DNAJC2: variants seen among roughly 807,000 people sequenced by gnomAD.
The protein encoded by DNAJC2 is DnaJ heat shock protein family (Hsp40) member C2.
Under a neutral mutation model 94.0 loss-of-function variants are expected in DNAJC2, and 32 were observed. The ratio of observed to expected loss-of-function variants is 0.34; its 90% CI spans 0.26 to 0.46. The LOEUF (loss-of-function observed/expected upper bound fraction) is 0.46. Ranked by LOEUF, DNAJC2 falls within the 20% of genes least tolerant of loss-of-function variation. The probability of loss-of-function intolerance (pLI) is 1.00; values close to 1 mark genes in which losing one functional copy is unlikely to be tolerated. For synonymous variants in DNAJC2, 210 were observed against 229.7 expected, an observed-to-expected ratio of 0.91 and a Z score of 0.77; for missense variants, 550 against 719.5, an observed-to-expected ratio of 0.76 and a Z score of 2.69.
In DNAJC2 at chr7:103,338,516, C is replaced by T. The variant is rs541164503; in HGVS notation, c.256-705G>A. 1.2e-4 allele frequency among the ~76,000 whole-genome samples: 18 copies of T among 151,368 alleles called. 1 individual carries two copies. The South Asian group carries it at 1.9e-3, about 16-fold the overall frequency. ...TTCACCTTGTTGGTCAGGCTGGTCT[C>T]GAACTCCTGACCTCAGGTGATATAC... On this transcript the variant is annotated intron_variant, in intron 2 of 16. Coordinates refer to ENST00000379263, the MANE Select transcript of DNAJC2 (RefSeq NM_014377.3).
In DNAJC2 at chr7:103,341,802, ACT is replaced by A. The variant is rs1376507734; in HGVS notation, c.215_216del (p.Glu72ValfsTer8). On this transcript the variant is annotated frameshift_variant, in exon 2 of 17. Transcript: ENST00000379263. LOFTEE classifies it high-confidence loss of function. ...ESEDEELQLEEFPMLKTLDPK... is the reference protein window; with the variant it reads ...ESEDEELQLEXFPMLKTLDPK... Reference sequence around the variant, plus strand: ...GGATCAAGTGTTTTCAGCATGGGAAACTCTTCCAACTGCAATTCTTCATCTTC... The same window carrying A: ...GGATCAAGTGTTTTCAGCATGGGAAACTTCCAACTGCAATTCTTCATCTTC... The A allele has an allele frequency of 6.3e-7, 1 of 1,599,340 alleles. No homozygotes were observed. Among genetic ancestry groups the A allele is most frequent in the Admixed American group, 1.8e-5 (1 of 56,936 alleles).
In DNAJC2 at chr7:103,337,813, T is replaced by TG. The variant is rs759536559; in HGVS notation, c.256-3dup. 51 of 1,611,572 alleles carry TG rather than the reference T, an allele frequency of 3.2e-5. No homozygotes were observed. The highest frequency in any genetic ancestry group is 4.2e-5 in the Non-Finnish European group (49 of 1,179,224). Reference sequence around the variant, plus strand: ...AAGAACTGCATAATGATCTTGGTTCTGGAAAAAAAACACAAAAGGGAGTCA... The same window carrying TG: ...AAGAACTGCATAATGATCTTGGTTCTGGGAAAAAAAACACAAAAGGGAGTCA... On this transcript the variant is annotated splice_region_variant and splice_polypyrimidine_tract_variant and intron_variant, in intron 2 of 16. Transcript: ENST00000379263.
chr7:103,319,731 T>G, intron 11 of DNAJC2, 25 bp downstream of exon 11: 2 of 1,614,128 alleles, frequency 1.2e-6, no homozygotes, highest in South Asian at 1.1e-5. Flanking sequence ...AAGTGAAGAC[T>G]TCAATAGCAG....
At chr7:103,343,021 C>T (rs947169663) in intron 1 of DNAJC2, among the ~76,000 whole-genome samples, 3 of 151,524 alleles carry the variant, frequency 2.0e-5, no homozygotes, top group African/African-American at 4.8e-5. Flanking sequence ...TTTTTTGAGA[C>T]GGAGTTTTGC....
intron 1 of DNAJC2, among the ~76,000 whole-genome samples, chr7:103,342,982 AT>A (rs1327003605): frequency 3.3e-5 from 5 of 152,006 alleles, no homozygotes; most frequent in Non-Finnish European, 5.9e-5. Flanking sequence ...AAAATAAAAA[AT>A]CTAAAAACAA....
intron 15 of DNAJC2, chr7:103,313,509 C>T: frequency 2.0e-6 from 2 of 984,784 alleles, no homozygotes; most frequent in Middle Eastern, 1.0e-3. Flanking sequence ...AAAAGAGCTT[C>T]CTCACAGTTA....
intron 2 of DNAJC2, among the ~76,000 whole-genome samples, chr7:103,341,375 G>T (rs1413077635): frequency 3.3e-5 from 5 of 152,168 alleles, no homozygotes; most frequent in Non-Finnish European, 5.9e-5. Flanking sequence ...AAAGACACTA[G>T]ATTTCTCATC....
intron 10 of DNAJC2, among the ~76,000 whole-genome samples, chr7:103,321,726 G>A (rs1818427875): frequency 6.6e-6 from 1 of 152,068 alleles, no homozygotes; most frequent in Non-Finnish European, 1.5e-5. Flanking sequence ...GCACACGCCT[G>A]TAATCCCAGC....
At chr7:103,320,673 GGCGGAGCTTGCAGTGA>G (rs1299112407) in intron 10 of DNAJC2, among the ~76,000 whole-genome samples, 13 of 151,130 alleles carry the variant, frequency 8.6e-5, no homozygotes, top group Admixed American at 4.0e-4. Flanking sequence ...GAACCCAGGA[GGCGGAGCTTGCAGTGA>G]GCGGAGATTG....
In DNAJC2 at chr7:103,337,764, C is replaced by T; in HGVS notation, c.303G>A (p.Lys101=). 2 of 1,613,584 alleles carry T rather than the reference C, an allele frequency of 1.2e-6. No individual in the cohort carries two copies. Among genetic ancestry groups the T allele is most frequent in the East Asian group, 4.5e-5 (2 of 44,868 alleles). Residue 101 remains lysine (K), a synonymous_variant, in exon 3 of 17, where the codon AAG becomes AAA. Transcript: ENST00000379263. ...CTGCTTTGATCTGTCTCTGTGTAGC[C>T]TTGTATCTCACATGGCCAAGTCCAA... ...AVLGLGHVRY[K]ATQRQIKAAH...
intron 13 of DNAJC2, 185 bp downstream of exon 13, chr7:103,316,645 T>A (rs974193964): frequency 3.3e-6 from 2 of 599,916 alleles, no homozygotes; most frequent in Admixed American, 3.0e-5. Context: ...TATATGTGCA[T>A]GTGTACTGAT....
At chr7:103,343,389 T>C (rs745988062) in intron 1 of DNAJC2, among the ~76,000 whole-genome samples, 1 of 152,208 alleles carries the variant, frequency 6.6e-6, no homozygotes, top group Admixed American at 6.5e-5. Flanking sequence ...TGAAAGCAAT[T>C]TTCCAAGCAG....
chr7:103,335,242 C>T (rs926993034), intron 3 of DNAJC2: 5 of 152,118 alleles, frequency 3.3e-5, no homozygotes, highest in African/African-American at 4.8e-5. Flanking sequence ...TCAAATGGTA[C>T]CAGATTTACA....
chr7:103,319,735 A>G (rs377679257), intron 11 of DNAJC2, 21 bp downstream of exon 11: 14 of 1,614,086 alleles, frequency 8.7e-6, no homozygotes, highest in African/African-American at 4.0e-5. Flanking sequence ...GAAGACTTCA[A>G]TAGCAGTTCC....
intron 15 of DNAJC2, chr7:103,313,912 T>G (rs972159933): frequency 2.0e-6 from 2 of 985,280 alleles, no homozygotes; most frequent in Admixed American, 6.2e-5. Flanking sequence ...GACTATGCAG[T>G]GACAACACAG....
chr7:103,333,514 C>T (rs564408421), intron 3 of DNAJC2, among the ~76,000 whole-genome samples: 4 of 152,118 alleles, frequency 2.6e-5, no homozygotes, highest in Non-Finnish European at 4.4e-5. Flanking sequence ...GGAGATAAAA[C>T]GTAGATAAAA....
At chr7:103,332,958 A>G (rs1280287818) in intron 3 of DNAJC2, among the ~76,000 whole-genome samples, 2 of 152,188 alleles carry the variant, frequency 1.3e-5, no homozygotes, top group East Asian at 3.8e-4. Flanking sequence ...AGTATCCTGT[A>G]TCTGAAATGC....
At chr7:103,333,518 GATAAA>G (rs1463586443) in intron 3 of DNAJC2, among the ~76,000 whole-genome samples, 1 of 152,176 alleles carries the variant, frequency 6.6e-6, no homozygotes, top group Non-Finnish European at 1.5e-5. Flanking sequence ...ATAAAACGTA[GATAAA>G]ATAAATGCCC....
At chr7:103,321,802 C>A (rs567260271) in intron 10 of DNAJC2, 130 bp downstream of exon 10, 5 of 975,984 alleles carry the variant, frequency 5.1e-6, no homozygotes, top group South Asian at 2.2e-5. Flanking sequence ...GAACTGAGAT[C>A]GCGCCACTGC....
Sources: allele counts gnomAD v4.1 joint callset (sites outside exome capture counted in the v4.1 genomes callset), GRCh38; gene constraint gnomAD v4.1.1; transcripts MANE v1.5; gene names NCBI Gene and HGNC (gene_info 2026-07-23, HGNC 2026-07-21).